Variants in NBAS observed in about 807,000 individuals in gnomAD.
The protein encoded by NBAS is NAG/BC035112 fusion.
In NBAS, 219 loss-of-function variants were observed where a neutral mutation model predicts 302.5. The observed-to-expected ratio is 0.72, with a 90% CI of 0.65 to 0.81. The LOEUF (loss-of-function observed/expected upper bound fraction) is 0.81, where lower values mean the gene tolerates loss of function less well. Ranked by LOEUF, NBAS falls within the 30% of genes least tolerant of loss-of-function variation. The pLI is 0.00. For missense variants in NBAS, 2,932 were observed against 2,841.6 expected (o/e 1.03, Z -0.72); for synonymous variants, 1,118 against 1,021.6 (o/e 1.09, Z -1.80).
chr2:14,872,094 G>C, the NBAS span, among the ~76,000 whole-genome samples: 1 of 152,110 alleles, frequency 6.6e-6, no homozygotes, highest in Non-Finnish European at 1.5e-5. Flanking sequence ...ACAAATGAAA[G>C]GAAAACTGGA....
intron 35 of NBAS, among the ~76,000 whole-genome samples, chr2:15,333,153 G>C (rs186651525): frequency 1.3e-5 from 2 of 152,186 alleles, no homozygotes; most frequent in African/African-American, 4.8e-5. Context: ...ATCACAGAAG[G>C]CTTCGCAGAG....
chr2:15,242,651 T>C (rs1667918109), intron 44 of NBAS, among the ~76,000 whole-genome samples: 1 of 151,192 alleles, frequency 6.6e-6, no homozygotes, highest in Non-Finnish European at 1.5e-5. Flanking sequence ...GTAAAAAAAA[T>C]GGCAATTTCT....
intron 47 of NBAS, among the ~76,000 whole-genome samples, chr2:15,227,766 A>G (rs765559952): frequency 2.0e-5 from 3 of 152,240 alleles, no homozygotes; most frequent in Non-Finnish European, 2.9e-5. Context: ...TGGTGCTGAG[A>G]AAATTAGATA....
At chr2:15,374,795 A>C in intron 30 of NBAS, 75 bp from the exon 31 acceptor site, 3 of 1,231,526 alleles carry the variant, frequency 2.4e-6, no homozygotes, top group Non-Finnish European at 3.6e-6. Context: ...CATGAGATCT[A>C]ACACATATTT....
chr2:15,167,159 C>G lies in NBAS; in HGVS notation c.7005G>C (p.Arg2335=), dbSNP rs1459678168. The change falls in exon 52 of 52, where the codon CGG becomes CGC. Residue 2335 remains arginine (R), a synonymous_variant. Coordinates refer to ENST00000281513, the MANE Select transcript of NBAS (RefSeq NM_015909.4). ...WDAEELGRHL[R]EAGHEAEAGS... is the part of the protein sequence containing the mutation. ...CGGCTTCGGCTTCATGGCCGGCCTCCCGCAGGTGTCTGCCCAGCTCCTCTG... is the reference window on the plus strand; with the variant it reads ...CGGCTTCGGCTTCATGGCCGGCCTCGCGCAGGTGTCTGCCCAGCTCCTCTG... 1.2e-6 allele frequency: 2 copies of G among 1,614,126 alleles called. No homozygotes were observed. Among genetic ancestry groups the G allele is most frequent in the Non-Finnish European group, 1.7e-6 (2 of 1,180,056 alleles).
the NBAS span, among the ~76,000 whole-genome samples, chr2:14,902,983 G>A: frequency 2.0e-4 from 30 of 151,952 alleles, no homozygotes; most frequent in East Asian, 5.4e-3. Flanking sequence ...AAAGAAGAGA[G>A]ACAGCAAAGG....
chr2:15,445,667 A>T (rs143101344), intron 21 of NBAS, among the ~76,000 whole-genome samples: 2,966 of 151,986 alleles, frequency 0.02, 72 homozygotes, highest in East Asian at 0.06. Context: ...ATAAAAAAAA[A>T]TTTTTAAATT....
At chr2:15,082,225 C>T in the NBAS span, among the ~76,000 whole-genome samples, 2 of 152,144 alleles carry the variant, frequency 1.3e-5, no homozygotes, top group African/African-American at 4.8e-5. Flanking sequence ...CGTTACACAG[C>T]TCCTTACTTA....
At chr2:14,869,130 T>C in the NBAS span, among the ~76,000 whole-genome samples, 1 of 152,206 alleles carries the variant, frequency 6.6e-6, no homozygotes, top group Non-Finnish European at 1.5e-5. Flanking sequence ...AGTTTTACAG[T>C]GTACTAACTG....
chr2:15,177,574 T>C (rs1031228979), intron 51 of NBAS, among the ~76,000 whole-genome samples: 4 of 152,196 alleles, frequency 2.6e-5, no homozygotes, highest in African/African-American at 9.7e-5. Context: ...TGTTTTATTC[T>C]CAAAGAGGCC....
chr2:15,117,828 C>A, the NBAS span, among the ~76,000 whole-genome samples: 2 of 152,178 alleles, frequency 1.3e-5, no homozygotes, highest in African/African-American at 4.8e-5. Context: ...CAGGCCACAC[C>A]CTCAGCCGGT....
chr2:14,941,712 G>C, the NBAS span, among the ~76,000 whole-genome samples: 2 of 152,194 alleles, frequency 1.3e-5, no homozygotes, highest in African/African-American at 2.4e-5. Flanking sequence ...CAAATTATCT[G>C]ATTGTTGAGA....
intron 48 of NBAS, among the ~76,000 whole-genome samples, chr2:15,192,883 T>G (rs531632641): frequency 9.8e-5 from 15 of 152,316 alleles, no homozygotes; most frequent in African/African-American, 3.6e-4. Flanking sequence ...ATTTTCTGTA[T>G]GTGATGCACT....
chr2:15,179,073 A>G lies in NBAS; in HGVS notation c.6755T>C (p.Leu2252Pro), dbSNP rs759761161. 6.2e-7 allele frequency: 1 copy of G among 1,614,064 alleles called. No homozygotes were observed. Among genetic ancestry groups the G allele is most frequent in the East Asian group, 2.2e-5 (1 of 44,898 alleles). The change falls in exon 51 of 52, where the codon CTG (leucine) becomes CCG (proline). Residue 2252 changes from leucine to proline, a missense_variant. By Grantham distance (98) the Leu-to-Pro change is moderately conservative. Transcript: ENST00000281513. Reference sequence around the variant, plus strand: ...GAGGAGAAGTTTCAGAGATGGAAGCAGGAGGGACTGGTTAAGCAGCAGCAG... The same window carrying G: ...GAGGAGAAGTTTCAGAGATGGAAGCGGGAGGGACTGGTTAAGCAGCAGCAG... ...LCLLLLNQSL[L>P]LPSLKLLLES...
At chr2:15,209,337 C>T (rs1666298175) in intron 48 of NBAS, among the ~76,000 whole-genome samples, 1 of 152,064 alleles carries the variant, frequency 6.6e-6, no homozygotes. Flanking sequence ...GACTGGATAG[C>T]TTCACTGCAG....
chr2:15,396,565 ATGTT>A, intron 26 of NBAS, 90 bp from the exon 27 acceptor site: 1 of 865,380 alleles, frequency 1.2e-6, no homozygotes, highest in Non-Finnish European at 1.8e-6. Context: ...TGAAAAAAAG[ATGTT>A]TCTTTTATAT....
chr2:15,404,882 G>A (rs185500105), intron 25 of NBAS, among the ~76,000 whole-genome samples: 2 of 152,088 alleles, frequency 1.3e-5, no homozygotes, highest in Non-Finnish European at 2.9e-5. Flanking sequence ...ACTTTACGTT[G>A]AGAATCCTTT....
chr2:14,930,688 T>C, the NBAS span, among the ~76,000 whole-genome samples: 1 of 152,226 alleles, frequency 6.6e-6, no homozygotes, highest in Non-Finnish European at 1.5e-5. Flanking sequence ...GTATTTTCTA[T>C]GTTATCGGCA....
chr2:15,334,442 C>A (rs972874181), intron 35 of NBAS, among the ~76,000 whole-genome samples: 13 of 152,240 alleles, frequency 8.5e-5, no homozygotes, highest in Middle Eastern at 6.8e-3. Flanking sequence ...CCCGCCTCGG[C>A]CTCCCAAAGT....
Sources: allele counts gnomAD v4.1 joint callset (sites outside exome capture counted in the v4.1 genomes callset), GRCh38; gene constraint gnomAD v4.1.1; transcripts MANE v1.5; gene names NCBI Gene and HGNC (gene_info 2026-07-23, HGNC 2026-07-21).